The following CCDC88A variants were observed in gnomAD, a reference collection of about 807,000 sequenced individuals.
The protein encoded by CCDC88A is girdin.
Under a neutral mutation model 234.3 loss-of-function variants are expected in CCDC88A, and 54 were observed. The ratio of observed to expected loss-of-function variants is 0.23; its 90% CI spans 0.19 to 0.29. The LOEUF (loss-of-function observed/expected upper bound fraction) is 0.29. Among genes scored for constraint, CCDC88A ranks in the 10% least tolerant of loss-of-function variants. CCDC88A has a pLI of 1.00. For missense variants in CCDC88A, 1,832 were observed against 2,123.4 expected, an observed-to-expected ratio of 0.86 and a Z score of 2.70; for synonymous variants, 753 against 737.8, an observed-to-expected ratio of 1.02 and a Z score of -0.33.
At chr2:55,374,782 C>T (rs1452009676) in intron 4 of CCDC88A, 32 bp downstream of exon 4, 3 of 1,345,066 alleles carry the variant, frequency 2.2e-6, no homozygotes. Flanking sequence ...AAAGGTTAGA[C>T]ATTACTTTCA....
At chr2:55,296,554 A>C (rs780034185) in intron 29 of CCDC88A, 31 bp from the exon 30 acceptor site, 6 of 1,595,686 alleles carry the variant, frequency 3.8e-6, no homozygotes, top group Non-Finnish European at 4.3e-6. Context: ...TTGAGATTTC[A>C]ATAATAGAAT....
chr2:55,306,622 G>T (rs748026400), intron 25 of CCDC88A, among the ~76,000 whole-genome samples: 2 of 152,110 alleles, frequency 1.3e-5, no homozygotes, highest in Non-Finnish European at 2.9e-5. Flanking sequence ...GTCTCGCCCT[G>T]TCACCTAGGC....
intron 3 of CCDC88A, among the ~76,000 whole-genome samples, chr2:55,386,863 G>C (rs1365985055): frequency 6.6e-6 from 1 of 151,724 alleles, no homozygotes; most frequent in Non-Finnish European, 1.5e-5. Context: ...TATTCTCAAA[G>C]AAAAACATGC....
At chr2:55,308,591 A>G in intron 25 of CCDC88A, 1 of 475,752 alleles carries the variant, frequency 2.1e-6, no homozygotes, top group Non-Finnish European at 3.7e-6. Flanking sequence ...TTTCTGCAAT[A>G]TTTTACCCCT....
chr2:55,381,288 C>T (rs1158445415), intron 3 of CCDC88A, among the ~76,000 whole-genome samples: 2 of 151,996 alleles, frequency 1.3e-5, no homozygotes, highest in African/African-American at 2.4e-5. Flanking sequence ...TGTTAAGGTA[C>T]ACAAGACTGG....
chr2:55,390,516 A>T (rs1676473286), intron 2 of CCDC88A, among the ~76,000 whole-genome samples: 1 of 152,246 alleles, frequency 6.6e-6, no homozygotes, highest in South Asian at 2.1e-4. Context: ...AACCAAACTG[A>T]GCTATTAATA....
Position 55,368,946 on chromosome 2 carries a change from T to C in CCDC88A, c.402+3506A>G, listed in dbSNP as rs757676366. 3.9e-5 allele frequency among the ~76,000 whole-genome samples: 6 copies of C among 152,228 alleles called. 1 individual carries two copies. Among genetic ancestry groups the C allele is most frequent in the Admixed American group, 6.5e-5 (1 of 15,276 alleles). On this transcript the variant is annotated intron_variant, in intron 5 of 32. Transcript: ENST00000436346. ...ATTAAGTATCAACAAAGACTTCTAATTGTTTATATGGTCACAGCTGAAGGC... is the reference window on the plus strand; with the variant it reads ...ATTAAGTATCAACAAAGACTTCTAACTGTTTATATGGTCACAGCTGAAGGC...
Position 55,355,700 on chromosome 2 carries a change from C to G in CCDC88A, c.679G>C (p.Ala227Pro). The G allele has an allele frequency of 6.2e-7, 1 of 1,613,920 alleles. No individual in the cohort carries two copies. Among genetic ancestry groups the G allele is most frequent in the East Asian group, 2.2e-5 (1 of 44,854 alleles). ...CAGGGTGACTGTGCAGATGAAGAGG[C>G]ATGGGGTAGAAAATGGAGACCATCC... The part of the protein sequence containing the change: ...ERDGLHFLPH[A>P]SSSAQSPCGS... Residue 227 changes from alanine to proline, a missense_variant, in exon 8 of 33, where the codon GCC (alanine) becomes CCC (proline). By Grantham distance (27) the Ala-to-Pro change is conservative. Transcript: ENST00000436346.
chr2:55,384,815 C>T (rs1675327311), intron 3 of CCDC88A, among the ~76,000 whole-genome samples: 1 of 151,602 alleles, frequency 6.6e-6, no homozygotes, highest in Non-Finnish European at 1.5e-5. Context: ...CACCACCACA[C>T]CTGGCTAATT....
At chr2:55,394,563 T>G (rs1677195326) in intron 2 of CCDC88A, 4 of 149,760 alleles carry the variant, frequency 2.7e-5, no homozygotes, top group Admixed American at 1.3e-4. Flanking sequence ...GTAAAAGTGT[T>G]CCTATTTCTC....
chr2:55,362,725 T>C (rs566229827), intron 6 of CCDC88A, among the ~76,000 whole-genome samples: 1 of 152,120 alleles, frequency 6.6e-6, no homozygotes, highest in South Asian at 2.1e-4. Context: ...GAAAGTAATG[T>C]TGATATATCC....
Position 55,312,495 on chromosome 2 carries a change from TTC to T in CCDC88A, c.4016_4017del (p.Arg1339AsnfsTer16). ...DQIQTLMLQN[R>X]TLLEQNMESK... ...CTTTCCATATTCTGCTCCAAAAGTG[TTC>T]TGTTCTGTAGCATTAATGTCTGAAT... On this transcript the variant is annotated frameshift_variant, in exon 23 of 33. Coordinates refer to ENST00000436346, the MANE Select transcript of CCDC88A (RefSeq NM_001365480.1). LOFTEE classifies it high-confidence loss of function. The T allele has an allele frequency of 6.2e-7, 1 of 1,612,242 alleles. No individual in the cohort carries two copies. The highest frequency in any genetic ancestry group is 8.5e-7 in the Non-Finnish European group (1 of 1,179,242).
chr2:55,412,400 G>T (rs1680652914), intron 2 of CCDC88A, among the ~76,000 whole-genome samples: 1 of 152,186 alleles, frequency 6.6e-6, no homozygotes, highest in Non-Finnish European at 1.5e-5. Flanking sequence ...CATGGATTGG[G>T]TCCATGGCTT....
Position 55,388,827 on chromosome 2 carries a change from C to T in CCDC88A, c.224G>A (p.Arg75Lys). The change falls in exon 3 of 33, where the codon AGA becomes AAA. Residue 75 changes from arginine to lysine, a missense_variant. Around this residue, in one of 6 missense-constraint regions of CCDC88A, gnomAD observed 84 missense variants for 80.9 expected, o/e 1.04. Transcript: ENST00000436346. ...CACCAAAATGGATAGATTGTGCATT[C>T]TAAGTGAGGCATCATTATTGACTTT... is the stretch of plus-strand genomic sequence containing the variant. The part of the protein sequence containing the change: ...NKKVNNDASL[R>K]MHNLSILVRQ... The T allele has an allele frequency of 6.5e-7, 1 of 1,543,788 alleles. No homozygotes were observed. Among genetic ancestry groups the T allele is most frequent in the Non-Finnish European group, 8.8e-7 (1 of 1,130,998 alleles).
intron 2 of CCDC88A, among the ~76,000 whole-genome samples, chr2:55,400,292 A>G (rs1249577069): frequency 2.0e-5 from 3 of 152,226 alleles, no homozygotes; most frequent in Non-Finnish European, 4.4e-5. Flanking sequence ...TACATGTGAC[A>G]TGTCAAACGT....
Position 55,322,591 on chromosome 2 carries a change from T to G in CCDC88A, c.3099A>C (p.Glu1033Asp), listed in dbSNP as rs372575449. ...ISGEDNKWER[E>D]SQETTRELLK... is the part of the protein sequence containing the mutation. ...GAAGTTCTCTAGTCGTTTCTTGACTTTCTCGCTCCCATTTGTTGTCTTCAC... is the reference window on the plus strand; with the variant it reads ...GAAGTTCTCTAGTCGTTTCTTGACTGTCTCGCTCCCATTTGTTGTCTTCAC... The change falls in exon 18 of 33, where the codon GAA becomes GAC. Residue 1033 changes from glutamate to aspartate, a missense_variant. Around this residue, in one of 6 missense-constraint regions of CCDC88A, gnomAD observed 1,282 missense variants for 1,543.6 expected, o/e 0.83. Transcript: ENST00000436346. 33 of 1,609,350 alleles carry G rather than the reference T, an allele frequency of 2.1e-5. No individual in the cohort carries two copies. Among genetic ancestry groups the G allele is most frequent in the Admixed American group, 3.3e-5 (2 of 59,968 alleles).
chr2:55,357,587 C>T (rs2589102), intron 7 of CCDC88A, among the ~76,000 whole-genome samples: 69,583 of 151,948 alleles, frequency 0.46, 17,151 homozygotes, highest in East Asian at 0.85. Flanking sequence ...AACTGTCTTA[C>T]ATAGCAATTT....
intron 2 of CCDC88A, among the ~76,000 whole-genome samples, chr2:55,391,602 G>A (rs1676657013): frequency 6.6e-6 from 1 of 152,282 alleles, no homozygotes; most frequent in South Asian, 2.1e-4. Flanking sequence ...GACTTCTGAA[G>A]CTGCAAAATA....
intron 2 of CCDC88A, chr2:55,418,544 A>G (rs766540862): frequency 4.5e-6 from 2 of 447,378 alleles, no homozygotes; most frequent in Non-Finnish European, 8.0e-6. Context: ...AGAATACACA[A>G]TGTGGCTTGG....
Sources: allele counts gnomAD v4.1 joint callset (sites outside exome capture counted in the v4.1 genomes callset), GRCh38; gene constraint gnomAD v4.1.1; regional missense constraint gnomAD v4.1.1; transcripts MANE v1.5; gene names NCBI Gene and HGNC (gene_info 2026-07-23, HGNC 2026-07-21).